Variants in IDO1 observed in about 807,000 individuals in gnomAD.
The protein encoded by IDO1 is indolamine 2,3 dioxygenase.
IDO1 carries 35 observed loss-of-function variants against 38.8 expected under a neutral mutation model. That is an observed-to-expected ratio of 0.90 (90% CI 0.69 to 1.20). IDO1 has a LOEUF of 1.20. IDO1 is among the 50% of genes most tolerant of loss of function. IDO1 has a pLI of 0.00. For missense variants in IDO1, 509 were observed against 485.1 expected (o/e 1.05, Z -0.46); for synonymous variants, 171 against 170.0 (o/e 1.01, Z -0.05).
chr8:39,927,324 G>T (rs931008289), intron 9 of IDO1, among the ~76,000 whole-genome samples: 7 of 152,172 alleles, frequency 4.6e-5, no homozygotes, highest in African/African-American at 9.6e-5. Flanking sequence ...ACTTTGGGAG[G>T]CTGAGGCAGG....
intron 6 of IDO1, 200 bp downstream of exon 6, chr8:39,922,851 A>AT (rs1330194061): frequency 1.2e-5 from 7 of 580,376 alleles, no homozygotes. Context: ...TATACTTAAA[A>AT]TCCAACTTGA....
intron 8 of IDO1, 135 bp from the exon 9 acceptor site, chr8:39,925,088 A>G (rs926282975): frequency 5.5e-5 from 43 of 784,634 alleles, no homozygotes; most frequent in Admixed American, 1.2e-4. Context: ...AGCAGGGGCA[A>G]GGGGGTATGA....
At position 39,927,938 on chromosome 8, in the gene IDO1, C is replaced by T. The variant is rs773380478; in HGVS notation, c.965C>T (p.Ser322Leu). 6.2e-7 allele frequency: 1 copy of T among 1,606,926 alleles called. No individual in the cohort carries two copies. Among genetic ancestry groups the T allele is most frequent in the Non-Finnish European group, 8.5e-7 (1 of 1,176,520 alleles). Residue 322 changes from serine (S) to leucine (L), a missense_variant, in exon 10 of 10, where the codon TCA becomes TTA. Physicochemically the swap from Ser to Leu is moderately radical, Grantham distance 145. Transcript: ENST00000518237. ...SNPSVREFVLSKGDAGLREAY... is the reference protein window; with the variant it reads ...SNPSVREFVLLKGDAGLREAY... The stretch of plus-strand genomic sequence containing the variant: ...CCCTCAGTCCGTGAGTTTGTCCTTT[C>T]AAAAGGTGATGCTGGCCTGCGGGAA...
At chr8:39,914,447 A>T (rs752830097) in intron 1 of IDO1, among the ~76,000 whole-genome samples, 5 of 152,168 alleles carry the variant, frequency 3.3e-5, no homozygotes, top group Non-Finnish European at 7.3e-5. Flanking sequence ...TTCTAATTTG[A>T]TGGGGTTTAT....
chr8:39,926,760 G>A (rs1316995376), intron 9 of IDO1, among the ~76,000 whole-genome samples: 3 of 152,162 alleles, frequency 2.0e-5, no homozygotes, highest in South Asian at 2.1e-4. Context: ...TGATGCTGAT[G>A]TTTGGGCTTC....
chr8:39,927,854 A>C lies in IDO1; in HGVS notation c.881A>C (p.Asp294Ala). The C allele has an allele frequency of 6.4e-7, 1 of 1,558,282 alleles. No homozygotes were observed. The highest frequency in any genetic ancestry group is 8.7e-7 in the Non-Finnish European group (1 of 1,153,558). Residue 294 changes from aspartate (D) to alanine (A), a missense_variant, in exon 10 of 10, where the codon GAC becomes GCC. Coordinates refer to ENST00000518237, the MANE Select transcript of IDO1 (RefSeq NM_002164.6). ...GGGHAAQFLQ[D>A]MRRYMPPAHR... is the part of the protein sequence containing the mutation. ...GGACATGCTGCTCAGTTCCTCCAGG[A>C]CATGAGAAGATATATGCCACCAGCT...
chr8:39,916,721 C>A (rs903157608), intron 1 of IDO1, among the ~76,000 whole-genome samples: 2 of 152,242 alleles, frequency 1.3e-5, no homozygotes, highest in African/African-American at 4.8e-5. Flanking sequence ...TCTAATCTAG[C>A]AGAATTTGAA....
At chr8:39,915,501 C>T (rs886974134) in intron 1 of IDO1, 5 of 152,098 alleles carry the variant, frequency 3.3e-5, no homozygotes, top group African/African-American at 1.2e-4. Context: ...AAGCATCTAC[C>T]TCCTTCCAAT....
intron 4 of IDO1, 66 bp from the exon 5 acceptor site, chr8:39,920,034 T>G: frequency 1.5e-6 from 2 of 1,353,200 alleles, no homozygotes; most frequent in Non-Finnish European, 2.1e-6. Flanking sequence ...TCATCATTAT[T>G]TGATGTTAAA....
At position 39,925,275 on chromosome 8, in the gene IDO1, G is replaced by A. The variant is rs763611687; in HGVS notation, c.760G>A (p.Glu254Lys). 2 of 1,613,522 alleles carry A rather than the reference G, an allele frequency of 1.2e-6. No individual in the cohort carries two copies. Among genetic ancestry groups the A allele is most frequent in the South Asian group, 1.1e-5 (1 of 91,026 alleles). Residue 254 changes from glutamate to lysine, a missense_variant, in exon 9 of 10, where the codon GAA (glutamate) becomes AAA (lysine). By Grantham distance (56) the Glu-to-Lys change is moderately conservative (BLOSUM62 1). Coordinates refer to ENST00000518237, the MANE Select transcript of IDO1 (RefSeq NM_002164.6). ...CGGTCTGGTGTATGAAGGGTTCTGG[G>A]AAGACCCAAAGGAGTTTGCAGGGGG... is the stretch of plus-strand genomic sequence containing the variant. ...SDGLVYEGFW[E>K]DPKEFAGGSA...
chr8:39,920,031 T>G (rs1047226961), intron 4 of IDO1, 69 bp from the exon 5 acceptor site: 2 of 1,313,754 alleles, frequency 1.5e-6, no homozygotes, highest in South Asian at 1.2e-5. Context: ...AACTCATCAT[T>G]ATTTGATGTT....
chr8:39,921,381 A>G (rs916651622), intron 5 of IDO1, among the ~76,000 whole-genome samples: 2 of 152,176 alleles, frequency 1.3e-5, no homozygotes. Context: ...TGAACCCAGG[A>G]GGCAGATGTG....
intron 1 of IDO1, among the ~76,000 whole-genome samples, chr8:39,915,336 C>A (rs1435251066): frequency 1.3e-5 from 2 of 152,164 alleles, no homozygotes; most frequent in African/African-American, 4.8e-5. Flanking sequence ...TATAATAATT[C>A]TGTAGACGAG....
chr8:39,916,112 G>C (rs1807171669), intron 1 of IDO1, among the ~76,000 whole-genome samples: 2 of 151,842 alleles, frequency 1.3e-5, no homozygotes, highest in African/African-American at 2.4e-5. Flanking sequence ...GTTGCAGTGA[G>C]CTGAGATCAC....
In IDO1 at chr8:39,918,943, C is replaced by G. The variant is rs1421326737; in HGVS notation, c.422+10C>G. 4 of 1,426,218 alleles carry G rather than the reference C, an allele frequency of 2.8e-6. No homozygotes were observed. In the East Asian group the frequency reaches 9.1e-5, roughly 32 times the overall value. 88.3% of individuals were successfully genotyped at this position (1,426,218 alleles called of 1,614,324 possible). A position where few individuals can be genotyped will look rare whatever the true frequency, so the allele number is the denominator to read the frequency against. On this transcript the variant is annotated intron_variant, in intron 4 of 9. Coordinates refer to ENST00000518237, the MANE Select transcript of IDO1 (RefSeq NM_002164.6). Reference sequence around the variant, plus strand: ...AAAAGGATCCTAATAAGTATGTAAACAGTGATAACAACAGGAATTTTTGGA... The same window carrying G: ...AAAAGGATCCTAATAAGTATGTAAAGAGTGATAACAACAGGAATTTTTGGA...
rs747442597 is a variant in IDO1 at position 39,924,436 on chromosome 8, TG to T, written c.656-284del. ...GGTTTTGTTTTGGTTTGTTTTGATT[TG>T]TTTTTTTTTGTCTTTGGTTTGTTTC... On this transcript the variant is annotated intron_variant, in intron 7 of 9. Coordinates refer to ENST00000518237, the MANE Select transcript of IDO1 (RefSeq NM_002164.6). Among the ~76,000 whole-genome samples the T allele has an allele frequency of 3.8e-4, 58 of 152,284 alleles. 2 individuals carry two copies. The highest frequency in any genetic ancestry group is 4.6e-4 in the Admixed American group (7 of 15,294).
chr8:39,927,454 G>A (rs773891269), intron 9 of IDO1, among the ~76,000 whole-genome samples: 5 of 151,708 alleles, frequency 3.3e-5, no homozygotes, highest in Non-Finnish European at 7.4e-5. Flanking sequence ...CAGCTACTCC[G>A]GAGGCTGAGG....
intron 9 of IDO1, 114 bp downstream of exon 9, chr8:39,925,485 C>A: frequency 9.6e-7 from 1 of 1,036,396 alleles, no homozygotes; most frequent in Non-Finnish European, 1.3e-6. Context: ...ATAGTTTTAG[C>A]AGAATCAGGC....
intron 1 of IDO1, among the ~76,000 whole-genome samples, chr8:39,917,621 G>A (rs1050252394): frequency 6.6e-6 from 1 of 152,256 alleles, no homozygotes; most frequent in African/African-American, 2.4e-5. Flanking sequence ...GAGGATTTTA[G>A]TGAAACCTTT....
Sources: gnomAD v4.1 joint callset for allele counts (sites outside exome capture counted in the v4.1 genomes callset) on GRCh38, gnomAD v4.1.1 for gene constraint, MANE v1.5 for transcripts, NCBI Gene and HGNC (gene_info 2026-07-23, HGNC 2026-07-21) for gene names.